The following PTBP1 variants were observed in gnomAD, a reference collection of about 807,000 sequenced individuals.
PTBP1 encodes polypyrimidine tract-binding protein 1.
PTBP1 carries 8 observed loss-of-function variants against 59.8 expected under a neutral mutation model. The ratio of observed to expected loss-of-function variants is 0.13; its 90% CI spans 0.08 to 0.24. The LOEUF is 0.24. Among genes scored for constraint, PTBP1 ranks in the 10% least tolerant of loss-of-function variants. PTBP1 has a pLI of 1.00. For synonymous variants in PTBP1, 490 were observed against 320.7 expected (o/e 1.53, Z -5.64); for missense variants, 686 against 767.0 (o/e 0.89, Z 1.25).
intron 2 of PTBP1, among the ~76,000 whole-genome samples, chr19:803,269 T>A (rs189605062): frequency 6.6e-6 from 1 of 152,126 alleles, no homozygotes; most frequent in Non-Finnish European, 1.5e-5. Context: ...GTGGAGATAG[T>A]GTACGTGGTG....
chr19:800,035 T>TCC (rs1454294738), intron 2 of PTBP1, among the ~76,000 whole-genome samples: 1 of 151,954 alleles, frequency 6.6e-6, no homozygotes, highest in Non-Finnish European at 1.5e-5. Flanking sequence ...CAAGCGATTC[T>TCC]CCTGCCTCAA....
chr19:799,569 G>A, intron 2 of PTBP1, 126 bp downstream of exon 2: 1 of 951,434 alleles, frequency 1.1e-6, no homozygotes, highest in Non-Finnish European at 1.7e-6. Flanking sequence ...CACTACCCTT[G>A]GTCTGGAATC....
chr19:800,544 G>A (rs1470773008), intron 2 of PTBP1, among the ~76,000 whole-genome samples: 2 of 152,196 alleles, frequency 1.3e-5, no homozygotes, highest in Non-Finnish European at 2.9e-5. Context: ...AGAGCCTCCC[G>A]CAGGGCGAGC....
rs778040853 is a variant in PTBP1 at position 808,512 on chromosome 19, C to T, written c.1247-34C>T. 8.4e-5 allele frequency: 131 copies of T among 1,559,748 alleles called. No homozygotes were observed. The highest frequency in any genetic ancestry group is 9.6e-5 in the East Asian group (4 of 41,646). On this transcript the variant is annotated intron_variant, in intron 12 of 14. Transcript: ENST00000356948. This position sits in a 1 kb window ranked among gnomAD's most constrained non-coding sequence, Gnocchi z 4.7. ...CAGGGGCGGGGGCTGCGTTCCCTCT[C>T]GGGCGCCTGGTCACGCGGGTGCTGC...
rs945704602 is a variant in PTBP1, at chr19:808,062, G to T, written c.1153+160G>T. The T allele has an allele frequency of 1.4e-6, 1 of 718,712 alleles. No individual in the cohort carries two copies. Among genetic ancestry groups the T allele is most frequent in the Non-Finnish European group, 2.5e-6 (1 of 404,740 alleles). 44.5% of individuals were successfully genotyped at this position (718,712 alleles called of 1,614,324 possible). A position where few individuals can be genotyped will look rare whatever the true frequency, so the allele number is the denominator to read the frequency against. On this transcript the variant is annotated intron_variant, in intron 11 of 14. Transcript: ENST00000356948. This position sits in a 1 kb window ranked among gnomAD's most constrained non-coding sequence, Gnocchi z 4.7. ...CGGTTTGCGAATTTTATTTGGTCCCGTAGATACGTACGCATGGTTTATCGC... is the reference window on the plus strand; with the variant it reads ...CGGTTTGCGAATTTTATTTGGTCCCTTAGATACGTACGCATGGTTTATCGC...
chr19:810,059 C>T (rs1303551222), intron 13 of PTBP1, among the ~76,000 whole-genome samples: 1 of 152,190 alleles, frequency 6.6e-6, no homozygotes, highest in East Asian at 1.9e-4. Flanking sequence ...ATCATCCCAG[C>T]ACTTTAGGAG....
rs372100660 is a variant in PTBP1, at chr19:810,752, C to G, written c.1600C>G (p.Leu534Val). Residue 534 changes from leucine to valine, a missense_variant, in exon 15 of 15, where the codon CTC (leucine) becomes GTC (valine). Physicochemically the swap from Leu to Val is conservative, Grantham distance 32. Transcript: ENST00000356948. ...MGSVEEAVQA[L>V]IDLHNHDLGE... The stretch of plus-strand genomic sequence containing the variant: ...CTCCGTGGAGGAGGCGGTCCAGGCC[C>G]TCATTGACCTGCACAACCACGACCT... 3.7e-6 allele frequency: 6 copies of G among 1,606,864 alleles called. No individual in the cohort carries two copies. Among genetic ancestry groups the G allele is most frequent in the Middle Eastern group, 3.3e-4 (2 of 6,060 alleles).
chr19:806,000 C>A (rs1450778570), intron 9 of PTBP1: 2 of 260,112 alleles, frequency 7.7e-6, no homozygotes, highest in Non-Finnish European at 1.5e-5. Context: ...GCCCGGCCGC[C>A]CCAGTGCTGG....
At chr19:806,713 A>T in intron 10 of PTBP1, 157 bp downstream of exon 10, 1 of 614,254 alleles carries the variant, frequency 1.6e-6, no homozygotes. Context: ...CTCCTTTTCC[A>T]AGATGGCTTG....
chr19:810,404 A>G, intron 13 of PTBP1, 139 bp from the exon 14 acceptor site: 1 of 646,078 alleles, frequency 1.5e-6, no homozygotes, highest in Non-Finnish European at 2.7e-6. Flanking sequence ...ACATGATTTG[A>G]TACCCCATTT....
chr19:805,377 C>A, intron 8 of PTBP1, 115 bp from the exon 9 acceptor site: 1 of 1,230,864 alleles, frequency 8.1e-7, no homozygotes, highest in Non-Finnish European at 1.2e-6. Context: ...GCGGATCTGC[C>A]CGCGAAGGCT....
chr19:805,298 GCT>G (rs936325523), intron 8 of PTBP1, 111 bp downstream of exon 8: 6 of 1,341,548 alleles, frequency 4.5e-6, no homozygotes, highest in Admixed American at 1.9e-5. Flanking sequence ...TGCACCTGCT[GCT>G]CTCTGCACGG....
At position 810,888 on chromosome 19, in the gene PTBP1, A is replaced by C. The variant is rs2034832903; in HGVS notation, c.*62A>C. On this transcript the variant is annotated 3_prime_UTR_variant, in exon 15 of 15. Coordinates refer to ENST00000356948, the MANE Select transcript of PTBP1 (RefSeq NM_002819.5). ...ACTTCCATCATTCCAGAGAAAAGCC[A>C]CTTTAAAAACAGCTGAAGTGACCTT... is the stretch of plus-strand genomic sequence containing the variant. 1.4e-6 allele frequency: 2 copies of C among 1,446,152 alleles called. No homozygotes were observed. Among genetic ancestry groups the C allele is most frequent in the East Asian group, 2.5e-5 (1 of 39,954 alleles). 89.6% of individuals were successfully genotyped at this position (1,446,152 alleles called of 1,614,324 possible). A position where few individuals can be genotyped will look rare whatever the true frequency, so the allele number is the denominator to read the frequency against.
rs774215421 is a variant in PTBP1, at chr19:810,572, T to C, written c.1493T>C (p.Val498Ala). 6.2e-7 allele frequency: 1 copy of C among 1,613,394 alleles called. No individual in the cohort carries two copies. Among genetic ancestry groups the C allele is most frequent in the Non-Finnish European group, 8.5e-7 (1 of 1,179,792 alleles). ...PPSVSEEDLK[V>A]LFSSNGGVVK... The stretch of plus-strand genomic sequence containing the variant: ...TCAGTCTCCGAGGAGGATCTCAAGG[T>C]CCTGTTTTCCAGCAATGGGGGCGTC... The change falls in exon 14 of 15, where the codon GTC becomes GCC. Residue 498 changes from valine (V) to alanine (A), a missense_variant. Coordinates refer to ENST00000356948, the MANE Select transcript of PTBP1 (RefSeq NM_002819.5).
At chr19:802,936 G>T (rs902469353) in intron 2 of PTBP1, among the ~76,000 whole-genome samples, 1 of 152,224 alleles carries the variant, frequency 6.6e-6, no homozygotes, top group African/African-American at 2.4e-5. Flanking sequence ...AGTCACGGCC[G>T]CGATACCAGC....
At chr19:799,392 C>CT (rs2034229547) in intron 1 of PTBP1, 21 bp from the exon 2 acceptor site, 2 of 1,613,246 alleles carry the variant, frequency 1.2e-6, no homozygotes, top group Non-Finnish European at 1.7e-6. Flanking sequence ...CTAACGTTGT[C>CT]TCCTTTCTTT....
intron 5 of PTBP1, 35 bp from the exon 6 acceptor site, chr19:804,497 C>T (rs375689629): frequency 1.4e-5 from 23 of 1,593,474 alleles, no homozygotes; most frequent in Middle Eastern, 3.6e-4. Flanking sequence ...GGCCCAGCCG[C>T]AGGGGCCGGG....
At chr19:803,486 G>A in intron 2 of PTBP1, 75 bp from the exon 3 acceptor site, 2 of 1,315,584 alleles carry the variant, frequency 1.5e-6, no homozygotes, top group Non-Finnish European at 1.1e-6. Flanking sequence ...CCAAGTGGGA[G>A]CAGGGCCGGC....
chr19:810,530 TCTC>T lies in PTBP1; in HGVS notation c.1464-8_1464-6del, dbSNP rs1462941110. The T allele has an allele frequency of 1.2e-6, 2 of 1,611,578 alleles. No homozygotes were observed. Among genetic ancestry groups the T allele is most frequent in the Non-Finnish European group, 1.7e-6 (2 of 1,179,184 alleles). ...CCACGCGGCCCCAGGCTCACGCCTT[TCTC>T]CTCCCACAGGCCCTCAGTCTCCGAG... On this transcript the variant is annotated splice_polypyrimidine_tract_variant and intron_variant, in intron 13 of 14. Transcript: ENST00000356948.
Sources: gnomAD v4.1 joint callset for allele counts (sites outside exome capture counted in the v4.1 genomes callset) on GRCh38, gnomAD v4.1.1 for gene constraint, Gnocchi (gnomAD v3.1) non-coding constraint, MANE v1.5 for transcripts, NCBI Gene and HGNC (gene_info 2026-07-23, HGNC 2026-07-21) for gene names.